ADAM19: variants seen among roughly 807,000 people sequenced by gnomAD.
ADAM19 encodes the protein ADAM metallopeptidase domain 19, also known as disintegrin and metalloproteinase domain-containing protein 19.
A neutral mutation model predicts 114.7 loss-of-function variants in ADAM19; 65 were observed. The ratio of observed to expected loss-of-function variants is 0.57; its 90% CI spans 0.46 to 0.70. The LOEUF (loss-of-function observed/expected upper bound fraction) is 0.70. Among genes scored for constraint, ADAM19 ranks in the 30% least tolerant of loss-of-function variants. The pLI is 0.00. For synonymous variants in ADAM19, 466 were observed against 460.5 expected (o/e 1.01, Z -0.15); for missense variants, 1,063 against 1,204.7 (o/e 0.88, Z 1.74).
intron 11 of ADAM19, among the ~76,000 whole-genome samples, chr5:157,504,954 C>T (rs999342749): frequency 6.6e-6 from 1 of 151,714 alleles, no homozygotes; most frequent in Non-Finnish European, 1.5e-5. Context: ...CCTGTCTCTA[C>T]TAAAAATACA....
At chr5:157,513,869 G>A (rs923957574) in intron 7 of ADAM19, among the ~76,000 whole-genome samples, 8 of 152,282 alleles carry the variant, frequency 5.3e-5, no homozygotes, top group Admixed American at 4.6e-4. Flanking sequence ...CCTCACCGTG[G>A]TCATCACCCC....
At chr5:157,527,461 C>T (rs1408853546) in intron 5 of ADAM19, among the ~76,000 whole-genome samples, 4 of 152,180 alleles carry the variant, frequency 2.6e-5, no homozygotes, top group Non-Finnish European at 5.9e-5. Flanking sequence ...CTGCCTGCCT[C>T]GGCCTCCCAA....
chr5:157,494,263 AGATGGATG>A (rs60209034), intron 15 of ADAM19, among the ~76,000 whole-genome samples: 36 of 151,010 alleles, frequency 2.4e-4, no homozygotes, highest in East Asian at 5.9e-4. Context: ...ATGGATGGAT[AGATGGATG>A]GATGGATGGA....
chr5:157,499,381 T>G (rs932640446), intron 13 of ADAM19, among the ~76,000 whole-genome samples, 192 bp downstream of exon 13: 4 of 152,148 alleles, frequency 2.6e-5, no homozygotes, highest in Non-Finnish European at 5.9e-5. Context: ...TGGGATGATC[T>G]GAATTCAGTG....
At chr5:157,494,371 A>G (rs1270957376) in intron 15 of ADAM19, among the ~76,000 whole-genome samples, 1 of 152,188 alleles carries the variant, frequency 6.6e-6, no homozygotes, top group Non-Finnish European at 1.5e-5. Context: ...ATGAGGAGCT[A>G]TTCAAATTAG....
chr5:157,540,832 C>T (rs1287853554), intron 3 of ADAM19, among the ~76,000 whole-genome samples: 1 of 152,198 alleles, frequency 6.6e-6, no homozygotes, highest in African/African-American at 2.4e-5. Flanking sequence ...TTAAAAACTA[C>T]ACCTCTGTCA....
chr5:157,484,244 A>AG (rs1754855778), intron 21 of ADAM19, among the ~76,000 whole-genome samples: 1 of 152,032 alleles, frequency 6.6e-6, no homozygotes, highest in Non-Finnish European at 1.5e-5. Flanking sequence ...AACATATATA[A>AG]TTTATTTACT....
chr5:157,487,723 C>T (rs377308317), intron 21 of ADAM19, among the ~76,000 whole-genome samples: 1 of 152,162 alleles, frequency 6.6e-6, no homozygotes. Context: ...TTGGGATGGG[C>T]AAGGCATCAG....
chr5:157,495,203 A>G (rs902192433), intron 14 of ADAM19, among the ~76,000 whole-genome samples: 4 of 152,006 alleles, frequency 2.6e-5, no homozygotes, highest in Non-Finnish European at 5.9e-5. Context: ...GGGTTTCACC[A>G]TCTTGGCCAG....
At chr5:157,534,060 A>C (rs1317178526) in intron 4 of ADAM19, among the ~76,000 whole-genome samples, 1 of 152,200 alleles carries the variant, frequency 6.6e-6, no homozygotes, top group Non-Finnish European at 1.5e-5. Flanking sequence ...AAGAGTGTTC[A>C]CAGCCCTAGT....
chr5:157,558,164 A>C (rs1160553906), intron 3 of ADAM19, among the ~76,000 whole-genome samples: 1 of 152,248 alleles, frequency 6.6e-6, no homozygotes, highest in East Asian at 1.9e-4. Context: ...TCATGCATTC[A>C]CTGCCTTCAG....
chr5:157,501,258 C>T lies in ADAM19; in HGVS notation c.1308+1545G>A, dbSNP rs78564361. On this transcript the variant is annotated intron_variant, in intron 12 of 22. Transcript: ENST00000257527. ...CTTCCACCTGAAATGTGCCTTCCCT[C>T]CTGCGTGCCTCACTAACTCCTAATG... Among the ~76,000 whole-genome samples, 348 of 152,250 alleles carry T rather than the reference C, an allele frequency of 2.3e-3. 1 individual carries two copies. The highest frequency in any genetic ancestry group is 3.9e-3 in the Admixed American group (60 of 15,300).
At chr5:157,510,962 T>C (rs7725846) in intron 8 of ADAM19, among the ~76,000 whole-genome samples, 105,061 of 152,044 alleles carry the variant, frequency 0.69, 36,909 homozygotes, top group East Asian at 0.92. Flanking sequence ...CTACAGACGT[T>C]CTTGGTAATC....
chr5:157,495,382 T>C (rs1175609327), intron 14 of ADAM19, among the ~76,000 whole-genome samples: 1 of 152,158 alleles, frequency 6.6e-6, no homozygotes, highest in Non-Finnish European at 1.5e-5. Flanking sequence ...TGCTCTCTAA[T>C]GAAGAAGCCA....
In ADAM19 at chr5:157,479,051, G is replaced by T. The variant is rs1437550154; in HGVS notation, c.*1898C>A. 1 of 985,668 alleles carries T rather than the reference G, an allele frequency of 1.0e-6. No individual in the cohort carries two copies. Among genetic ancestry groups the T allele is most frequent in the Non-Finnish European group, 1.2e-6 (1 of 829,972 alleles). The allele number at this position is 985,668 out of a possible 1,614,324, so 61.1% of individuals were successfully genotyped here. ...CCAGGAACCAAGCCTTGAGGCAGAG[G>T]GTAGCACATTTAAATAAAAGGTTGG... On this transcript the variant is annotated 3_prime_UTR_variant, in exon 23 of 23. Transcript: ENST00000257527.
At chr5:157,520,149 T>C in intron 5 of ADAM19, 118 bp from the exon 6 acceptor site, 2 of 983,990 alleles carry the variant, frequency 2.0e-6, no homozygotes. Flanking sequence ...CATTGGTTCT[T>C]AACCTAATTA....
chr5:157,569,844 A>G (rs766945062), intron 2 of ADAM19, among the ~76,000 whole-genome samples: 3 of 152,154 alleles, frequency 2.0e-5, no homozygotes, highest in Non-Finnish European at 4.4e-5. Flanking sequence ...TATTCTCTCT[A>G]AGCACTATTT....
At chr5:157,490,537 T>A in intron 18 of ADAM19, 83 bp from the exon 19 acceptor site, 1 of 1,480,934 alleles carries the variant, frequency 6.8e-7, no homozygotes, top group Non-Finnish European at 9.3e-7. Flanking sequence ...GTGCTTCTTC[T>A]TCAGGCATTT....
chr5:157,481,691 C>A (rs923132989), intron 22 of ADAM19, 100 bp downstream of exon 22: 3 of 1,551,776 alleles, frequency 1.9e-6, no homozygotes, highest in Non-Finnish European at 2.6e-6. Context: ...TCAGTCCAGA[C>A]CACAAGAAGC....
Sources: allele counts gnomAD v4.1 joint callset (sites outside exome capture counted in the v4.1 genomes callset), GRCh38; gene constraint gnomAD v4.1.1; transcripts MANE v1.5; gene names NCBI Gene and HGNC (gene_info 2026-07-23, HGNC 2026-07-21).